The following KCTD1 variants were observed in gnomAD, a reference collection of about 807,000 sequenced individuals.
The protein encoded by KCTD1 is BTB/POZ domain-containing protein KCTD1.
Under a neutral mutation model 66.0 loss-of-function variants are expected in KCTD1, and 24 were observed. The ratio of observed to expected loss-of-function variants is 0.36; its 90% CI spans 0.26 to 0.51. The LOEUF (loss-of-function observed/expected upper bound fraction) is 0.51. Among genes scored for constraint, KCTD1 ranks in the 20% least tolerant of loss-of-function variants. The probability of loss-of-function intolerance (pLI) is 0.95; values close to 1 mark genes in which losing one functional copy is unlikely to be tolerated. For synonymous variants in KCTD1, 511 were observed against 517.2 expected (o/e 0.99, Z 0.16); for missense variants, 943 against 1,205.2 (o/e 0.78, Z 3.22).
intron 1 of KCTD1, among the ~76,000 whole-genome samples, chr18:26,557,943 A>G (rs1355208325): frequency 1.3e-5 from 2 of 152,136 alleles, no homozygotes; most frequent in Non-Finnish European, 2.9e-5. Flanking sequence ...TTCAAGTCCA[A>G]ACTCCCCATA....
intron 1 of KCTD1, among the ~76,000 whole-genome samples, chr18:26,502,303 C>T (rs963250011): frequency 6.6e-6 from 1 of 152,196 alleles, no homozygotes; most frequent in African/African-American, 2.4e-5. Flanking sequence ...CCCACCTCGG[C>T]CTCCCAAAGT....
chr18:26,586,608 T>C (rs1183033907), intron 1 of KCTD1, among the ~76,000 whole-genome samples: 1 of 152,262 alleles, frequency 6.6e-6, no homozygotes, highest in Admixed American at 6.5e-5. Flanking sequence ...CTAAGCCTTT[T>C]GCACAAGTTT....
intron 3 of KCTD1, among the ~76,000 whole-genome samples, chr18:26,460,302 T>C (rs16942347): frequency 0.035 from 5,365 of 152,306 alleles, 319 homozygotes; most frequent in African/African-American, 0.12. Flanking sequence ...AAAAATGTCT[T>C]TGGGTATTTC....
At chr18:26,484,780 C>A (rs1215165661) in intron 2 of KCTD1, among the ~76,000 whole-genome samples, 2 of 152,104 alleles carry the variant, frequency 1.3e-5, no homozygotes, top group Admixed American at 1.3e-4. Context: ...CCTAGGCAGG[C>A]AGGGAAGGCC....
intron 1 of KCTD1, among the ~76,000 whole-genome samples, chr18:26,577,288 G>C (rs1986246356): frequency 6.6e-6 from 1 of 152,106 alleles, no homozygotes; most frequent in African/African-American, 2.4e-5. Flanking sequence ...GGCTTTAGTA[G>C]TTTCCATTTA....
At chr18:26,485,916 T>G (rs1322311346) in intron 2 of KCTD1, among the ~76,000 whole-genome samples, 1 of 151,990 alleles carries the variant, frequency 6.6e-6, no homozygotes, top group Non-Finnish European at 1.5e-5. Flanking sequence ...AAAAACTTTA[T>G]GGATTATCTA....
intron 1 of KCTD1, among the ~76,000 whole-genome samples, chr18:26,527,491 A>AG (rs1984222543): frequency 7.6e-6 from 1 of 131,912 alleles, no homozygotes; most frequent in African/African-American, 2.9e-5. Flanking sequence ...GCAAAAAAAA[A>AG]AGGGGGGGGG....
intron 1 of KCTD1, among the ~76,000 whole-genome samples, chr18:26,610,681 G>T (rs1251952297): frequency 6.6e-6 from 1 of 151,536 alleles, no homozygotes; most frequent in African/African-American, 2.4e-5. Context: ...AAGAGAGAAA[G>T]AAAAGAGAGA....
At chr18:26,458,615 TG>T (rs1471211285) in intron 4 of KCTD1, 1 of 152,406 alleles carries the variant, frequency 6.6e-6, no homozygotes, top group Middle Eastern at 3.2e-3. Flanking sequence ...AGAGAGTCGG[TG>T]CTCAGCACAC....
intron 1 of KCTD1, among the ~76,000 whole-genome samples, 157 bp downstream of exon 1, chr18:26,546,571 C>T (rs1044780986): frequency 6.6e-6 from 1 of 152,202 alleles, no homozygotes; most frequent in African/African-American, 2.4e-5. Context: ...TCCCAAAAAG[C>T]ACCAAGAGAG....
At chr18:26,478,051 T>C (rs1025657192) in intron 2 of KCTD1, among the ~76,000 whole-genome samples, 2 of 152,216 alleles carry the variant, frequency 1.3e-5, no homozygotes, top group African/African-American at 4.8e-5. Flanking sequence ...AACTAAAATA[T>C]GCTTAGTCAC....
At chr18:26,510,855 A>G (rs1008144478) in intron 1 of KCTD1, among the ~76,000 whole-genome samples, 3 of 152,248 alleles carry the variant, frequency 2.0e-5, no homozygotes, top group African/African-American at 7.2e-5. Context: ...ATTAAAAGTG[A>G]CAGAGCTGCT....
Position 26,480,414 on chromosome 18 carries a change from TA to T in KCTD1, c.1989-3756del, listed in dbSNP as rs922152275. 3.9e-5 allele frequency among the ~76,000 whole-genome samples: 6 copies of T among 152,164 alleles called. No individual in the cohort carries two copies. The East Asian group carries it at 5.8e-4, about 15-fold the overall frequency. On this transcript the variant is annotated intron_variant, in intron 2 of 4. Transcript: ENST00000580059. ...GAAAGTTCACTCAAAATATGTTCAC[TA>T]AAAAAAAGTTCATTAAAAATGACAG...
At chr18:26,605,748 C>A (rs181953577) in intron 1 of KCTD1, among the ~76,000 whole-genome samples, 1 of 141,840 alleles carries the variant, frequency 7.1e-6, no homozygotes, top group Non-Finnish European at 1.5e-5. Flanking sequence ...ATCTATCTAT[C>A]TATCTATCTA....
At position 26,599,960 on chromosome 18, in the gene KCTD1, T is replaced by G. The variant is rs2062016876; in HGVS notation, c.-16+29187A>C. The G allele has an allele frequency of 2.4e-5, 38 of 1,604,110 alleles. No individual in the cohort carries two copies. In the South Asian group the frequency reaches 4.0e-4, roughly 17 times the overall value. ...ATCACCAAGAAGTCTTCTCCTTCAG[T>G]GAAGCCTGCAGTGGACCCTGCTGCT... On this transcript the variant is annotated intron_variant, in intron 1 of 4. Transcript: ENST00000317932.
chr18:26,509,124 A>G (rs1983202300), intron 1 of KCTD1, among the ~76,000 whole-genome samples: 1 of 150,870 alleles, frequency 6.6e-6, no homozygotes, highest in South Asian at 2.1e-4. Context: ...GCCTGAAGAG[A>G]AAGAAAATAA....
intron 4 of KCTD1, 106 bp from the exon 5 acceptor site, chr18:26,456,007 G>C (rs2144517358): frequency 9.4e-7 from 1 of 1,058,568 alleles, no homozygotes; most frequent in East Asian, 2.6e-5. Context: ...ATCTCATCCA[G>C]CACCCATGTC....
intron 1 of KCTD1, among the ~76,000 whole-genome samples, chr18:26,606,328 T>C (rs1003832008): frequency 1.3e-5 from 2 of 152,220 alleles, no homozygotes; most frequent in Admixed American, 6.5e-5. Context: ...CCATCATGGC[T>C]GAACCAGTTT....
At chr18:26,508,079 A>C (rs1177440308) in intron 1 of KCTD1, among the ~76,000 whole-genome samples, 1 of 152,230 alleles carries the variant, frequency 6.6e-6, no homozygotes, top group Non-Finnish European at 1.5e-5. Flanking sequence ...CTTATTTTTA[A>C]AGCCAAAAAA....
Sources: allele counts gnomAD v4.1 joint callset (sites outside exome capture counted in the v4.1 genomes callset), GRCh38; gene constraint gnomAD v4.1.1; transcripts MANE v1.5; gene names NCBI Gene and HGNC (gene_info 2026-07-23, HGNC 2026-07-21).